ESRRG: variants seen among roughly 807,000 people sequenced by gnomAD.
ESRRG encodes the protein estrogen related receptor gamma.
A neutral mutation model predicts 44.0 loss-of-function variants in ESRRG; 13 were observed. That is an observed-to-expected ratio of 0.30 (90% CI 0.19 to 0.47). ESRRG has a LOEUF of 0.47. ESRRG is among the 20% of genes least tolerant of loss of function. ESRRG has a pLI of 1.00. For missense variants in ESRRG, 395 were observed against 580.6 expected (o/e 0.68, Z 3.29); for synonymous variants, 215 against 214.6 (o/e 1.00, Z -0.02).
chr1:216,517,279 T>C (rs2044625672), intron 6 of ESRRG, among the ~76,000 whole-genome samples: 1 of 152,204 alleles, frequency 6.6e-6, no homozygotes, highest in South Asian at 2.1e-4. Context: ...AGGTAGTCAC[T>C]TCCTCTCCCA....
intron 5 of ESRRG, among the ~76,000 whole-genome samples, chr1:216,521,590 A>G (rs143253310): frequency 8.0e-4 from 122 of 152,266 alleles, no homozygotes; most frequent in Non-Finnish European, 1.2e-3. Context: ...TGTAGCCCGC[A>G]GCACCTTCCT....
intron 1 of ESRRG, among the ~76,000 whole-genome samples, chr1:217,074,037 A>T (rs1409054959): frequency 6.6e-6 from 1 of 151,218 alleles, no homozygotes; most frequent in African/African-American, 2.4e-5. Context: ...GGATTAGTGT[A>T]ATTATGAATG....
At chr1:216,723,432 A>G, upstream of ESRRG, 1 of 772,410 alleles carries the variant, frequency 1.3e-6, no homozygotes, top group Non-Finnish European at 2.3e-6. Context: ...CAAAGCTCTC[A>G]CACTCTCCTA....
At chr1:216,859,197 C>T (rs546773341) in intron 2 of ESRRG, among the ~76,000 whole-genome samples, 126 of 152,202 alleles carry the variant, frequency 8.3e-4, no homozygotes, top group African/African-American at 2.9e-3. Flanking sequence ...ACAAAATATA[C>T]AGAACAATGT....
intron 2 of ESRRG, among the ~76,000 whole-genome samples, chr1:216,820,847 C>T (rs1238897428): frequency 6.6e-6 from 1 of 152,142 alleles, no homozygotes; most frequent in African/African-American, 2.4e-5. Context: ...TACCAAACAC[C>T]AACTCCATTC....
chr1:216,592,890 C>T (rs2057904025), intron 3 of ESRRG, among the ~76,000 whole-genome samples: 1 of 152,188 alleles, frequency 6.6e-6, no homozygotes, highest in Admixed American at 6.5e-5. Context: ...CTTCATCTAG[C>T]TTACCTCATC....
chr1:216,563,724 T>C (rs2059188707), intron 5 of ESRRG, among the ~76,000 whole-genome samples: 1 of 152,204 alleles, frequency 6.6e-6, no homozygotes, highest in African/African-American at 2.4e-5. Context: ...ATATTTATTT[T>C]CACAATTTAT....
chr1:216,846,328 C>T (rs2148928572), intron 2 of ESRRG, among the ~76,000 whole-genome samples: 1 of 152,204 alleles, frequency 6.6e-6, no homozygotes, highest in Admixed American at 6.5e-5. Context: ...TAAGAAATTA[C>T]TAGGTTATTT....
intron 1 of ESRRG, among the ~76,000 whole-genome samples, chr1:217,009,137 G>C (rs1282365666): frequency 6.6e-6 from 1 of 152,074 alleles, no homozygotes; most frequent in South Asian, 2.1e-4. Context: ...AATGCTTCCT[G>C]CTCAAGTCAA....
At chr1:216,838,490 A>G (rs2148839715) in intron 2 of ESRRG, among the ~76,000 whole-genome samples, 1 of 152,312 alleles carries the variant, frequency 6.6e-6, no homozygotes, top group South Asian at 2.1e-4. Flanking sequence ...ACATTCAATG[A>G]ATTTTAGAGG....
At chr1:216,664,692 G>GAAAA (rs71163758) in intron 2 of ESRRG, among the ~76,000 whole-genome samples, 21 of 133,782 alleles carry the variant, frequency 1.6e-4, no homozygotes, top group Non-Finnish European at 2.8e-4. Context: ...TGCTACTGAA[G>GAAAA]AAAAAAAAAA....
intron 6 of ESRRG, among the ~76,000 whole-genome samples, chr1:216,517,616 A>G (rs2044734767): frequency 6.6e-6 from 1 of 152,188 alleles, no homozygotes; most frequent in African/African-American, 2.4e-5. Flanking sequence ...CCAAATAAAA[A>G]TTCTTCCCAA....
At chr1:216,653,915 A>T (rs1029801424) in intron 2 of ESRRG, among the ~76,000 whole-genome samples, 1 of 151,306 alleles carries the variant, frequency 6.6e-6, no homozygotes, top group African/African-American at 2.4e-5. Flanking sequence ...GGAGTTCAAG[A>T]CCAGCTTGGC....
intron 1 of ESRRG, among the ~76,000 whole-genome samples, chr1:216,968,701 CTTTT>C (rs3072232): frequency 7.0e-6 from 1 of 141,878 alleles, no homozygotes; most frequent in Non-Finnish European, 1.5e-5. Context: ...TAGTATGGGT[CTTTT>C]TTTTTTTTTG....
At chr1:216,943,162 C>G (rs542167387) in intron 1 of ESRRG, among the ~76,000 whole-genome samples, 198 of 152,276 alleles carry the variant, frequency 1.3e-3, no homozygotes, top group African/African-American at 4.4e-3. Context: ...ATGATCTGCC[C>G]TACCATGGTT....
intron 2 of ESRRG, among the ~76,000 whole-genome samples, chr1:216,753,903 A>G (rs967035349): frequency 1.3e-5 from 2 of 152,024 alleles, no homozygotes; most frequent in African/African-American, 4.8e-5. Flanking sequence ...GCAGGAATAA[A>G]ATCAGTCACC....
chr1:216,888,630 C>T (rs2057369358), intron 2 of ESRRG, among the ~76,000 whole-genome samples: 1 of 152,148 alleles, frequency 6.6e-6, no homozygotes, highest in Non-Finnish European at 1.5e-5. Context: ...TATATCAAAA[C>T]TTGCTTCTAC....
At chr1:216,750,211 A>C (rs2091871844) in intron 2 of ESRRG, among the ~76,000 whole-genome samples, 1 of 152,184 alleles carries the variant, frequency 6.6e-6, no homozygotes. Context: ...TCCTGTGAAC[A>C]ATAGAGGGCA....
intron 1 of ESRRG, among the ~76,000 whole-genome samples, chr1:217,069,565 T>G (rs2090287905): frequency 6.6e-6 from 1 of 152,076 alleles, no homozygotes; most frequent in South Asian, 2.1e-4. Context: ...CTTTTCATCT[T>G]CCTCTTTCCA....
Sources: allele counts gnomAD v4.1 joint callset (sites outside exome capture counted in the v4.1 genomes callset), GRCh38; gene constraint gnomAD v4.1.1; transcripts MANE v1.5; gene names NCBI Gene and HGNC (gene_info 2026-07-23, HGNC 2026-07-21).